Variants in GATB observed in about 807,000 individuals in gnomAD.
GATB encodes glutamyl-tRNA(Gln) amidotransferase subunit B, mitochondrial.
In GATB, 39 loss-of-function variants were observed where a neutral mutation model predicts 62.3. The ratio of observed to expected loss-of-function variants is 0.63; its 90% CI spans 0.48 to 0.82. The LOEUF (loss-of-function observed/expected upper bound fraction) is 0.82. GATB is among the 40% of genes least tolerant of loss of function. GATB has a pLI of 0.00. For synonymous variants in GATB, 276 were observed against 258.9 expected (o/e 1.07, Z -0.63); for missense variants, 670 against 684.0 (o/e 0.98, Z 0.23).
chr4:151,702,704 C>A (rs1738630074), intron 8 of GATB, among the ~76,000 whole-genome samples: 1 of 152,148 alleles, frequency 6.6e-6, no homozygotes, highest in South Asian at 2.1e-4. Context: ...CAAAGCTGCA[C>A]CATTGCATGT....
At chr4:151,684,513 G>A (rs922860444) in intron 10 of GATB, among the ~76,000 whole-genome samples, 1 of 152,194 alleles carries the variant, frequency 6.6e-6, no homozygotes, top group Non-Finnish European at 1.5e-5. Flanking sequence ...TTCCTTGCCT[G>A]GGTATCATTG....
intron 9 of GATB, among the ~76,000 whole-genome samples, chr4:151,689,317 T>A (rs1236145368): frequency 6.6e-6 from 1 of 152,182 alleles, no homozygotes; most frequent in Non-Finnish European, 1.5e-5. Context: ...ACAGGAATGG[T>A]TCTGAAATGT....
intron 5 of GATB, among the ~76,000 whole-genome samples, chr4:151,712,658 A>G (rs1338903059): frequency 6.6e-6 from 1 of 152,212 alleles, no homozygotes; most frequent in Non-Finnish European, 1.5e-5. Flanking sequence ...AAAGCGAACA[A>G]ATTTTACTGA....
chr4:151,700,834 T>C (rs1258035658), intron 9 of GATB, among the ~76,000 whole-genome samples: 1 of 152,234 alleles, frequency 6.6e-6, no homozygotes, highest in Non-Finnish European at 1.5e-5. Flanking sequence ...CTCAAAGGAC[T>C]GATACTTTTA....
intron 2 of GATB, among the ~76,000 whole-genome samples, chr4:151,729,070 C>G (rs568107524): frequency 6.6e-6 from 1 of 152,266 alleles, no homozygotes; most frequent in East Asian, 1.9e-4. Context: ...GAAAAAGCTA[C>G]CTTTAATTTC....
At chr4:151,719,593 C>T (rs1199074261) in intron 2 of GATB, 55 bp from the exon 3 acceptor site, 5 of 1,175,642 alleles carry the variant, frequency 4.3e-6, no homozygotes, top group African/African-American at 1.6e-5. Flanking sequence ...ACAAATGCTT[C>T]TCCCACACAC....
intron 3 of GATB, 101 bp from the exon 4 acceptor site, chr4:151,717,175 T>C: frequency 2.7e-6 from 3 of 1,104,376 alleles, no homozygotes; most frequent in Non-Finnish European, 4.0e-6. Flanking sequence ...ACAGGCCTAC[T>C]TAAAGCAAAA....
intron 9 of GATB, among the ~76,000 whole-genome samples, chr4:151,693,612 C>T (rs1738413390): frequency 1.3e-5 from 2 of 152,114 alleles, no homozygotes; most frequent in Admixed American, 1.3e-4. Flanking sequence ...ACAAACATCA[C>T]GGGTGTGTTC....
chr4:151,703,013 G>C (rs1458742382), intron 8 of GATB, among the ~76,000 whole-genome samples: 2 of 152,158 alleles, frequency 1.3e-5, no homozygotes, highest in East Asian at 3.9e-4. Flanking sequence ...CACACTCAGG[G>C]GAAGGCGCAC....
intron 5 of GATB, among the ~76,000 whole-genome samples, chr4:151,713,038 A>G (rs1161998060): frequency 6.6e-6 from 1 of 152,158 alleles, no homozygotes; most frequent in Non-Finnish European, 1.5e-5. Flanking sequence ...CAGATCAGCC[A>G]TGGCATTAGA....
intron 10 of GATB, 82 bp from the exon 11 acceptor site, chr4:151,679,973 T>G: frequency 8.0e-7 from 1 of 1,244,158 alleles, no homozygotes. Context: ...ATCAGAACAC[T>G]TGCTCTAGTG....
At chr4:151,725,204 C>T (rs975434392) in intron 2 of GATB, among the ~76,000 whole-genome samples, 2 of 152,188 alleles carry the variant, frequency 1.3e-5, no homozygotes, top group African/African-American at 4.8e-5. Flanking sequence ...AGAGCAAAGG[C>T]GAAATACCCT....
In GATB at chr4:151,705,243, CATT is replaced by C; in HGVS notation, c.901_903del (p.Asn301del). 1 of 1,612,080 alleles carries C rather than the reference CATT, an allele frequency of 6.2e-7. No homozygotes were observed. The highest frequency in any genetic ancestry group is 2.2e-5 in the East Asian group (1 of 44,844). On this transcript the variant is annotated inframe_deletion, in exon 7 of 13. Coordinates refer to ENST00000263985, the MANE Select transcript of GATB (RefSeq NM_004564.3). ...AGAATTTCACCTCCATTCTCAAGTT[CATT>C]GATTTGCCTCTGAATTTCATAGTCT...
In GATB at chr4:151,672,807, T is replaced by G; in HGVS notation, c.1500A>C (p.Ala500=). The G allele has an allele frequency of 1.2e-6, 2 of 1,614,208 alleles. No individual in the cohort carries two copies. The highest frequency in any genetic ancestry group is 1.7e-6 in the Non-Finnish European group (2 of 1,180,022). Residue 500 remains alanine, a synonymous_variant, in exon 12 of 13, where the codon GCA becomes GCC. Coordinates refer to ENST00000263985, the MANE Select transcript of GATB (RefSeq NM_004564.3). The stretch of plus-strand genomic sequence containing the variant: ...TCACAGAGTGGCAGAGCTGCTCCAG[T>G]GCCCCCTGGTCCTGCATCAGTTCAA... ...KQLELMQDQG[A]LEQLCHSVME... is the part of the protein sequence containing the mutation.
chr4:151,751,676 A>G (rs1449759559), intron 2 of GATB, among the ~76,000 whole-genome samples: 1 of 152,184 alleles, frequency 6.6e-6, no homozygotes, highest in East Asian at 1.9e-4. Flanking sequence ...TTCTATTATT[A>G]TTTACATGTT....
At chr4:151,751,434 C>T (rs1429273474) in intron 2 of GATB, among the ~76,000 whole-genome samples, 3 of 152,154 alleles carry the variant, frequency 2.0e-5, no homozygotes, top group Admixed American at 6.5e-5. Context: ...CATCCCACCT[C>T]ACCGCCAAAG....
In GATB at chr4:151,760,930, G is replaced by A. The variant is rs754104789; in HGVS notation, c.53C>T (p.Ala18Val). The A allele has an allele frequency of 1.2e-5, 20 of 1,613,850 alleles. No individual in the cohort carries two copies. The highest frequency in any genetic ancestry group is 1.6e-5 in the Non-Finnish European group (19 of 1,179,964). The change falls in exon 1 of 13, where the codon GCC becomes GTC. Residue 18 changes from alanine to valine, a missense_variant. Coordinates refer to ENST00000263985, the MANE Select transcript of GATB (RefSeq NM_004564.3). The stretch of plus-strand genomic sequence containing the variant: ...GTGGCAAGAACCACCGTCAACCCGG[G>A]CGAAAGCCCAACGTCTTCCACGGCA... ...WGCRGRRWAF[A>V]RVDGGSCHRR...
chr4:151,736,860 C>T (rs111578350), intron 2 of GATB, among the ~76,000 whole-genome samples: 16 of 152,338 alleles, frequency 1.1e-4, no homozygotes, highest in African/African-American at 3.4e-4. Context: ...CGCAAGCTCT[C>T]CTCTCTTGTC....
At chr4:151,732,008 G>T (rs1383297888) in intron 2 of GATB, among the ~76,000 whole-genome samples, 3 of 137,396 alleles carry the variant, frequency 2.2e-5, no homozygotes, top group Non-Finnish European at 3.1e-5. Context: ...GGAGGGAGGT[G>T]GGGGGTCAGC....
Sources: allele counts gnomAD v4.1 joint callset (sites outside exome capture counted in the v4.1 genomes callset), GRCh38; gene constraint gnomAD v4.1.1; transcripts MANE v1.5; gene names NCBI Gene and HGNC (gene_info 2026-07-23, HGNC 2026-07-21).